Variants in SYNRG observed in about 807,000 individuals in gnomAD.
The protein encoded by SYNRG is AP1 gamma subunit binding protein 1.
In SYNRG, 37 loss-of-function variants were observed where a neutral mutation model predicts 130.9. The observed-to-expected ratio is 0.28, with a 90% CI of 0.22 to 0.37. The LOEUF (loss-of-function observed/expected upper bound fraction) is 0.37, where lower values mean the gene tolerates loss of function less well. SYNRG is among the 10% of genes least tolerant of loss of function. The pLI, the probability that SYNRG is intolerant of heterozygous loss-of-function variation, is 1.00. For missense variants in SYNRG, 1,338 were observed against 1,588.9 expected (o/e 0.84, Z 2.68); for synonymous variants, 539 against 568.1 (o/e 0.95, Z 0.73).
chr17:37,534,498 T>C (rs1179937468), intron 19 of SYNRG, among the ~76,000 whole-genome samples: 1 of 152,132 alleles, frequency 6.6e-6, no homozygotes, highest in Non-Finnish European at 1.5e-5. Context: ...AGTGCTGGCA[T>C]GACAGGGGTG....
chr17:37,571,908 T>G lies in SYNRG; in HGVS notation c.981A>C (p.Ser327=). ...CAAGAGTTTCCCTGGGAAGCCCAGA[T>G]GACATCAGAATGGGATACAGTTTGG... ...DTAKLYPILM[S]SGLPRETLGQ... The change falls in exon 9 of 22, where the codon TCA becomes TCC. Residue 327 remains serine, a synonymous_variant. Transcript: ENST00000612223. 1 of 1,614,234 alleles carries G rather than the reference T, an allele frequency of 6.2e-7. No individual in the cohort carries two copies.
At chr17:37,527,289 C>T (rs739740) in intron 19 of SYNRG, among the ~76,000 whole-genome samples, 38,419 of 152,138 alleles carry the variant, frequency 0.25, 4,996 homozygotes, top group Admixed American at 0.34. Flanking sequence ...TCCAAACCTA[C>T]TGAACTTCAA....
chr17:37,531,860 G>A (rs1259628206), intron 19 of SYNRG, among the ~76,000 whole-genome samples: 1 of 152,066 alleles, frequency 6.6e-6, no homozygotes. Context: ...TTCAAGCCCT[G>A]TAGTAACACT....
intron 6 of SYNRG, among the ~76,000 whole-genome samples, chr17:37,581,277 T>C (rs1598490817): frequency 6.6e-6 from 1 of 150,498 alleles, no homozygotes; most frequent in Admixed American, 6.6e-5. Flanking sequence ...ATTATTACTA[T>C]TATTATTATT....
Position 37,553,867 on chromosome 17 carries a change from A to T in SYNRG, c.1856T>A (p.Met619Lys). 1 of 1,612,174 alleles carries T rather than the reference A, an allele frequency of 6.2e-7. No homozygotes were observed. Among genetic ancestry groups the T allele is most frequent in the East Asian group, 2.2e-5 (1 of 44,878 alleles). Reference protein sequence around the residue: ...KNPLNLADLDMFSSVNCSSEK... With the variant: ...KNPLNLADLDKFSSVNCSSEK... ...GCTGCTGCAATTAACTGAGGAAAAC[A>T]TATCTAGGTCTGCTAAGTTCAGAGG... Residue 619 changes from methionine to lysine, a missense_variant, in exon 14 of 22, where the codon ATG becomes AAG. Met to Lys is a moderately conservative substitution (Grantham distance 95). This residue lies in a region of SYNRG where 1,146 missense variants were observed against 1,342.3 expected (regional missense o/e 0.85). Transcript: ENST00000612223.
Position 37,558,323 on chromosome 17 carries a change from A to C in SYNRG, c.1663+2872T>G, listed in dbSNP as rs545544509. ...CCCCTAGCAGAAGAGTAGAAATAAA[A>C]GATTGCTGAAGGATGTCCCAAGTTT... is the stretch of plus-strand genomic sequence containing the variant. On this transcript the variant is annotated intron_variant, in intron 13 of 21. Transcript: ENST00000612223. Among the ~76,000 whole-genome samples, 5 of 152,304 alleles carry C rather than the reference A, an allele frequency of 3.3e-5. No homozygotes were observed. The South Asian group carries it at 1.0e-3, about 32-fold the overall frequency.
At chr17:37,587,459 T>A (rs550809678) in intron 3 of SYNRG, among the ~76,000 whole-genome samples, 1 of 152,346 alleles carries the variant, frequency 6.6e-6, no homozygotes, top group Admixed American at 6.5e-5. Flanking sequence ...ACACTCTCAT[T>A]TGGAGACTGC....
At chr17:37,601,576 C>T (rs2063288449) in intron 1 of SYNRG, among the ~76,000 whole-genome samples, 1 of 152,204 alleles carries the variant, frequency 6.6e-6, no homozygotes, top group African/African-American at 2.4e-5. Flanking sequence ...TCATCCCAAA[C>T]AGAAACTCTG....
At chr17:37,594,553 C>A (rs1244925759) in intron 3 of SYNRG, among the ~76,000 whole-genome samples, 1 of 150,640 alleles carries the variant, frequency 6.6e-6, no homozygotes, top group Non-Finnish European at 1.5e-5. Flanking sequence ...ACCTCTGCCT[C>A]CTGGGTTCAA....
At chr17:37,535,871 G>A in intron 19 of SYNRG, 108 bp downstream of exon 19, 1 of 1,452,386 alleles carries the variant, frequency 6.9e-7, no homozygotes. Context: ...ACATGCTCCA[G>A]TTGGCACCTC....
chr17:37,535,800 C>G (rs374889738), intron 19 of SYNRG, among the ~76,000 whole-genome samples, 179 bp downstream of exon 19: 103 of 152,318 alleles, frequency 6.8e-4, no homozygotes, highest in African/African-American at 2.4e-3. Context: ...TTAGAGAGAT[C>G]AGAAGCCCAC....
At chr17:37,584,560 A>T (rs1242502876) in intron 6 of SYNRG, 88 bp downstream of exon 6, 1 of 1,031,602 alleles carries the variant, frequency 9.7e-7, no homozygotes, top group Non-Finnish European at 1.5e-6. Flanking sequence ...TTGACTTTTC[A>T]CACACACATA....
At chr17:37,595,445 T>C (rs1225262710) in intron 3 of SYNRG, among the ~76,000 whole-genome samples, 1 of 151,948 alleles carries the variant, frequency 6.6e-6, no homozygotes, top group Non-Finnish European at 1.5e-5. Context: ...AGCTAAACAC[T>C]GGGTGCACAT....
intron 19 of SYNRG, among the ~76,000 whole-genome samples, chr17:37,535,042 A>G (rs552246733): frequency 6.6e-6 from 1 of 152,334 alleles, no homozygotes; most frequent in Non-Finnish European, 1.5e-5. Context: ...GCCCAATGAA[A>G]TGTAAAAAAG....
At chr17:37,570,348 G>C (rs1271464421) in intron 10 of SYNRG, among the ~76,000 whole-genome samples, 2 of 148,764 alleles carry the variant, frequency 1.3e-5, no homozygotes, top group Non-Finnish European at 3.0e-5. Context: ...CTATTGCCAA[G>C]TCTGCCTTTC....
At position 37,516,080 on chromosome 17, in the gene SYNRG, A is replaced by C. The variant is rs1011668191; in HGVS notation, c.*2860T>G. ...AAATTAAATTACACACTAAGCCATA[A>C]AAATTTTAAAGGCAAAACATCCCAC... is the stretch of plus-strand genomic sequence containing the variant. On this transcript the variant is annotated 3_prime_UTR_variant, in exon 22 of 22. Coordinates refer to ENST00000612223, the MANE Select transcript of SYNRG (RefSeq NM_007247.6). The C allele has an allele frequency of 6.6e-6, 1 of 152,220 alleles. No individual in the cohort carries two copies. Among genetic ancestry groups the C allele is most frequent in the East Asian group, 1.9e-4 (1 of 5,196 alleles). The allele number at this position is 152,220 out of a possible 1,614,324, so 9.4% of individuals were successfully genotyped here. A position where few individuals can be genotyped will look rare whatever the true frequency, so the allele number is the denominator to read the frequency against.
intron 14 of SYNRG, among the ~76,000 whole-genome samples, chr17:37,547,157 A>C (rs759922482): frequency 3.3e-5 from 5 of 152,216 alleles, no homozygotes; most frequent in Non-Finnish European, 5.9e-5. Flanking sequence ...ACACAACTTC[A>C]TGGTATAAAT....
At position 37,515,419 on chromosome 17, in the gene SYNRG, C is replaced by T. The variant is rs2054351485; in HGVS notation, c.*3521G>A. 1 of 152,164 alleles carries T rather than the reference C, an allele frequency of 6.6e-6. No homozygotes were observed. The highest frequency in any genetic ancestry group is 1.5e-5 in the Non-Finnish European group (1 of 68,046). 9.4% of individuals were successfully genotyped at this position (152,164 alleles called of 1,614,324 possible). On this transcript the variant is annotated 3_prime_UTR_variant, in exon 22 of 22. Transcript: ENST00000612223. ...ATGTCTGAAAATGTCAGTTTATTAACTGTTCACAAAGGCAGGCATTTGACC... is the reference window on the plus strand; with the variant it reads ...ATGTCTGAAAATGTCAGTTTATTAATTGTTCACAAAGGCAGGCATTTGACC...
In SYNRG at chr17:37,600,402, A is replaced by G. The variant is rs754663410; in HGVS notation, c.79T>C (p.Phe27Leu). The change falls in exon 2 of 22, where the codon TTC becomes CTC. Residue 27 changes from phenylalanine to leucine, a missense_variant and splice_region_variant. Coordinates refer to ENST00000612223, the MANE Select transcript of SYNRG (RefSeq NM_007247.6). ...AGAGSAGGGG[F>L]MFPVAGGIRP... ...ATCCCACCTGCAACAGGAAACATGA[A>G]GCTGAAAACAGAATAAAAATACATT... The G allele has an allele frequency of 6.2e-7, 1 of 1,613,664 alleles. No individual in the cohort carries two copies. Among genetic ancestry groups the G allele is most frequent in the East Asian group, 2.2e-5 (1 of 44,862 alleles).
Sources: allele counts gnomAD v4.1 joint callset (sites outside exome capture counted in the v4.1 genomes callset), GRCh38; gene constraint gnomAD v4.1.1; regional missense constraint gnomAD v4.1.1; transcripts MANE v1.5; gene names NCBI Gene and HGNC (gene_info 2026-07-23, HGNC 2026-07-21).